ZC4H2: variants seen among roughly 807,000 people sequenced by gnomAD.
ZC4H2 encodes the protein zinc finger C4H2 domain-containing protein.
For missense variants in ZC4H2, 137 were observed against 173.9 expected (o/e 0.79, Z 1.19); for synonymous variants, 84 against 66.3 (o/e 1.27, Z -1.30).
rs1569215121 is a variant in ZC4H2 at position 64,954,354 on chromosome X, A to AT, written c.53+21970_53+21971insA. Among the ~76,000 whole-genome samples, 35 of 69,367 alleles carry AT rather than the reference A, an allele frequency of 5.0e-4. 6 individuals carry two copies. Among genetic ancestry groups the AT allele is most frequent in the African/African-American group, 3.9e-3 (34 of 8,648 alleles). 60.2% of individuals were successfully genotyped at this position (69,367 alleles called of 115,157 possible). ...TATATATATAATTATATATATATAT[A>AT]ATTATATATATATATATAATTATAT... On this transcript the variant is annotated intron_variant, in intron 1 of 4. Transcript: ENST00000374839.
chrX:64,997,282 C>T (rs1932434684), intron 1 of ZC4H2, among the ~76,000 whole-genome samples: 1 of 112,156 alleles, frequency 8.9e-6, no homozygotes, highest in Non-Finnish European at 1.9e-5. Flanking sequence ...TATCAAGACA[C>T]ACCCAGATGA....
chrX:64,957,559 G>C (rs1931203973), intron 1 of ZC4H2, among the ~76,000 whole-genome samples: 1 of 110,716 alleles, frequency 9.0e-6, no homozygotes, highest in African/African-American at 3.3e-5. Context: ...TGGACTTTTT[G>C]GTTAAACATA....
chrX:65,019,741 G>A (rs1932822683), intron 1 of ZC4H2, among the ~76,000 whole-genome samples: 1 of 112,205 alleles, frequency 8.9e-6, no homozygotes, highest in African/African-American at 3.2e-5. Flanking sequence ...TCTCCTCTGA[G>A]CTAAAGGAGC....
chrX:64,987,287 A>C (rs1320802270), intron 1 of ZC4H2, among the ~76,000 whole-genome samples: 6 of 111,085 alleles, frequency 5.4e-5, no homozygotes, highest in Non-Finnish European at 7.5e-5. Context: ...AAATAGCTAA[A>C]AACAATTTTG....
chrX:65,018,853 G>A (rs1932814888), intron 1 of ZC4H2, among the ~76,000 whole-genome samples: 1 of 111,466 alleles, frequency 9.0e-6, no homozygotes, highest in Non-Finnish European at 1.9e-5. Flanking sequence ...GTGGGGGGAG[G>A]GGCGTCTGCC....
intron 1 of ZC4H2, among the ~76,000 whole-genome samples, chrX:65,004,612 C>A (rs1431424133): frequency 9.0e-6 from 1 of 111,680 alleles, no homozygotes; most frequent in Non-Finnish European, 1.9e-5. Flanking sequence ...ATGACAAACC[C>A]ACATCCAATA....
intron 1 of ZC4H2, among the ~76,000 whole-genome samples, chrX:64,951,180 C>T (rs899134186): frequency 8.9e-6 from 1 of 112,305 alleles, no homozygotes; most frequent in Non-Finnish European, 1.9e-5. Flanking sequence ...TATATATGTG[C>T]CACATTTTCT....
intron 1 of ZC4H2, among the ~76,000 whole-genome samples, chrX:65,032,458 G>A (rs770319664): frequency 1.8e-5 from 2 of 111,580 alleles, no homozygotes; most frequent in Non-Finnish European, 3.8e-5. Flanking sequence ...TGTTCCATAC[G>A]GAAGGAAAGG....
intron 1 of ZC4H2, among the ~76,000 whole-genome samples, chrX:65,012,426 A>G (rs1241878190): frequency 9.0e-6 from 1 of 111,285 alleles, no homozygotes; most frequent in Non-Finnish European, 1.9e-5. Flanking sequence ...ATGATACAGT[A>G]GAGACTCTTG....
At chrX:65,019,824 G>A (rs1046637121) in intron 1 of ZC4H2, among the ~76,000 whole-genome samples, 3 of 111,999 alleles carry the variant, frequency 2.7e-5, no homozygotes, top group East Asian at 2.8e-4. Flanking sequence ...AAAATAACCA[G>A]TTTAGAGAAG....
intron 1 of ZC4H2, among the ~76,000 whole-genome samples, chrX:64,982,674 T>C (rs1355303294): frequency 8.9e-6 from 1 of 112,257 alleles, no homozygotes; most frequent in African/African-American, 3.2e-5. Context: ...GTGAAGGTTG[T>C]AGCCATTATT....
chrX:64,953,072 A>G (rs1179604020), intron 1 of ZC4H2, among the ~76,000 whole-genome samples: 4 of 112,206 alleles, frequency 3.6e-5, no homozygotes, highest in Non-Finnish European at 7.5e-5. Flanking sequence ...GCAATGGGGA[A>G]AGGATTCCCT....
chrX:65,019,618 C>A (rs922466728), intron 1 of ZC4H2, among the ~76,000 whole-genome samples: 9 of 111,994 alleles, frequency 8.0e-5, no homozygotes, highest in African/African-American at 2.9e-4. Context: ...AAAATCAGAA[C>A]GCCTCTTCTC....
intron 1 of ZC4H2, among the ~76,000 whole-genome samples, chrX:65,005,410 C>T (rs1419912252): frequency 1.8e-5 from 2 of 111,088 alleles, no homozygotes; most frequent in African/African-American, 6.6e-5. Flanking sequence ...AGAACAGAGG[C>T]CTCAGAAATA....
intron 1 of ZC4H2, among the ~76,000 whole-genome samples, chrX:64,987,464 GT>G (rs777964481): frequency 0.12 from 11,233 of 91,798 alleles, 1,785 homozygotes; most frequent in African/African-American, 0.41. Context: ...GGTTTGCTGG[GT>G]TTTTTTTTTT....
intron 1 of ZC4H2, among the ~76,000 whole-genome samples, chrX:64,998,972 CA>C (rs1181205806): frequency 5.5e-5 from 5 of 90,673 alleles, no homozygotes; most frequent in Non-Finnish European, 1.1e-4. Context: ...TCCATCCTTT[CA>C]TTTTTTTATT....
chrX:64,929,947 G>T (rs1929666828), intron 1 of ZC4H2, among the ~76,000 whole-genome samples: 1 of 111,179 alleles, frequency 9.0e-6, no homozygotes, highest in Admixed American at 9.6e-5. Flanking sequence ...TGAATCTGTG[G>T]ATTACTTTGG....
At chrX:64,936,051 G>A (rs1439063084) in intron 1 of ZC4H2, among the ~76,000 whole-genome samples, 1 of 109,890 alleles carries the variant, frequency 9.1e-6, no homozygotes, top group African/African-American at 3.3e-5. Flanking sequence ...TTGCTAACTA[G>A]AATAACCAGT....
intron 1 of ZC4H2, among the ~76,000 whole-genome samples, chrX:64,971,941 G>A (rs1179239912): frequency 9.0e-6 from 1 of 111,416 alleles, no homozygotes; most frequent in Non-Finnish European, 1.9e-5. Flanking sequence ...GATGGCATGT[G>A]CATTTTAAGG....
Sources: allele counts gnomAD v4.1 joint callset (sites outside exome capture counted in the v4.1 genomes callset), GRCh38; gene constraint gnomAD v4.1.1; transcripts MANE v1.5; gene names NCBI Gene and HGNC (gene_info 2026-07-23, HGNC 2026-07-21).